Variants in BATF observed in about 807,000 individuals in gnomAD.
BATF encodes basic leucine zipper ATF-like transcription factor.
A neutral mutation model predicts 13.7 loss-of-function variants in BATF; 5 were observed. The ratio of observed to expected loss-of-function variants is 0.36; its 90% CI spans 0.19 to 0.77. The LOEUF (loss-of-function observed/expected upper bound fraction) is 0.77, where lower values mean the gene tolerates loss of function less well. Ranked by LOEUF, BATF falls within the 30% of genes least tolerant of loss-of-function variation. The pLI is 0.51. For missense variants in BATF, 124 were observed against 163.0 expected (o/e 0.76, Z 1.30); for synonymous variants, 72 against 67.5 (o/e 1.07, Z -0.33).
chr14:75,522,512 C>G lies in BATF; in HGVS notation c.-171C>G. On this transcript the variant is annotated 5_prime_UTR_variant, in exon 1 of 3. Coordinates refer to ENST00000286639, the MANE Select transcript of BATF (RefSeq NM_006399.5). Reference sequence around the variant, plus strand: ...CTTTGGGGAGCAGTCCCTCTGCACCCCAGAGTGAGGAGGACGCAGGGGTCA... The same window carrying G: ...CTTTGGGGAGCAGTCCCTCTGCACCGCAGAGTGAGGAGGACGCAGGGGTCA... 1.5e-6 allele frequency: 1 copy of G among 647,578 alleles called. No homozygotes were observed. Among genetic ancestry groups the G allele is most frequent in the South Asian group, 1.8e-5 (1 of 54,510 alleles). 40.1% of individuals were successfully genotyped at this position (647,578 alleles called of 1,614,324 possible). A position where few individuals can be genotyped will look rare whatever the true frequency, so the allele number is the denominator to read the frequency against.
At chr14:75,525,395 G>C (rs1396009199) in intron 2 of BATF, among the ~76,000 whole-genome samples, 1 of 151,962 alleles carries the variant, frequency 6.6e-6, no homozygotes, top group South Asian at 2.1e-4. Context: ...GGGCGTGGTG[G>C]CTCACACCTG....
chr14:75,546,900 C>T lies in BATF; in HGVS notation c.*229C>T, dbSNP rs142254758. 2.0e-4 allele frequency: 146 copies of T among 713,088 alleles called. No homozygotes were observed. The African/African-American group carries it at 2.2e-3, about 11-fold the overall frequency. 44.2% of individuals were successfully genotyped at this position (713,088 alleles called of 1,614,324 possible). On this transcript the variant is annotated 3_prime_UTR_variant, in exon 3 of 3. Transcript: ENST00000286639. The stretch of plus-strand genomic sequence containing the variant: ...ACCACTGTGGGTTGCAGGCCCAATG[C>T]AGAAGAGTATTAAGAAAGATGCTCA...
In BATF at chr14:75,546,475, T is replaced by G; in HGVS notation, c.182T>G (p.Leu61Arg). The change falls in exon 3 of 3, where the codon CTG becomes CGG. Residue 61 changes from leucine (L) to arginine (R), a missense_variant. Leu to Arg is a moderately radical substitution (Grantham distance 102, BLOSUM62 -2). Around this residue, in one of 2 missense-constraint regions of BATF, gnomAD observed 65 missense variants for 113.3 expected, o/e 0.57. Coordinates refer to ENST00000286639, the MANE Select transcript of BATF (RefSeq NM_006399.5). ...CCACCCCTACAGGAGAGCGAAGACC[T>G]GGAGAAACAGAACGCGGCTCTACGC... is the stretch of plus-strand genomic sequence containing the variant. ...ADTLHLESEDLEKQNAALRKE... is the reference protein window; with the variant it reads ...ADTLHLESEDREKQNAALRKE... The G allele has an allele frequency of 6.2e-7, 1 of 1,614,028 alleles. No homozygotes were observed. Among genetic ancestry groups the G allele is most frequent in the Non-Finnish European group, 8.5e-7 (1 of 1,180,012 alleles).
At chr14:75,524,827 T>A (rs1887627911) in intron 1 of BATF, among the ~76,000 whole-genome samples, 1 of 149,272 alleles carries the variant, frequency 6.7e-6, no homozygotes, top group Admixed American at 6.7e-5. Context: ...CAAATACAGC[T>A]CTATTGAGTC....
In BATF at chr14:75,546,482, A is replaced by C; in HGVS notation, c.189A>C (p.Lys63Asn). ...TLHLESEDLE[K>N]QNAALRKEIK... ...TACAGGAGAGCGAAGACCTGGAGAA[A>C]CAGAACGCGGCTCTACGCAAGGAGA... Residue 63 changes from lysine (K) to asparagine (N), a missense_variant, in exon 3 of 3, where the codon AAA (lysine) becomes AAC (asparagine). Physicochemically the swap from Lys to Asn is moderately conservative, Grantham distance 94. Around this residue, in one of 2 missense-constraint regions of BATF, gnomAD observed 65 missense variants for 113.3 expected, o/e 0.57. Coordinates refer to ENST00000286639, the MANE Select transcript of BATF (RefSeq NM_006399.5). The C allele has an allele frequency of 6.2e-7, 1 of 1,614,134 alleles. No homozygotes were observed. The highest frequency in any genetic ancestry group is 8.5e-7 in the Non-Finnish European group (1 of 1,180,022).
intron 2 of BATF, among the ~76,000 whole-genome samples, chr14:75,532,974 T>C (rs541747611): frequency 1.3e-5 from 2 of 152,352 alleles, no homozygotes; most frequent in South Asian, 4.1e-4. Flanking sequence ...CTTTTCTCTC[T>C]TTTTTATTAT....
intron 2 of BATF, among the ~76,000 whole-genome samples, chr14:75,527,570 CTT>C (rs1049490685): frequency 4.6e-5 from 7 of 152,340 alleles, no homozygotes; most frequent in African/African-American, 1.7e-4. Flanking sequence ...ACAGATGTCT[CTT>C]TGCTGCGGCA....
At chr14:75,535,002 T>C (rs1887797048) in intron 2 of BATF, among the ~76,000 whole-genome samples, 2 of 152,256 alleles carry the variant, frequency 1.3e-5, no homozygotes, top group Non-Finnish European at 2.9e-5. Context: ...ATCAATTTGA[T>C]GATGCAGTCA....
At chr14:75,541,714 A>C (rs769878055) in intron 2 of BATF, among the ~76,000 whole-genome samples, 7 of 152,166 alleles carry the variant, frequency 4.6e-5, no homozygotes, top group South Asian at 2.1e-4. Context: ...CCCAGGCTGA[A>C]CTACAATGGT....
chr14:75,525,706 C>G (rs1171933502), intron 2 of BATF, among the ~76,000 whole-genome samples: 1 of 150,746 alleles, frequency 6.6e-6, no homozygotes, highest in East Asian at 1.9e-4. Flanking sequence ...GGGAATGGGC[C>G]AGGAGGCTGA....
intron 2 of BATF, among the ~76,000 whole-genome samples, chr14:75,539,530 A>G (rs983837790): frequency 6.7e-6 from 1 of 148,622 alleles, no homozygotes; most frequent in African/African-American, 2.5e-5. Flanking sequence ...ACCAAACTAT[A>G]GTTTTTTTCA....
chr14:75,540,379 C>G (rs1408803604), intron 2 of BATF, among the ~76,000 whole-genome samples: 1 of 152,198 alleles, frequency 6.6e-6, no homozygotes, highest in East Asian at 1.9e-4. Context: ...TTAGCCACCC[C>G]CAAGCTGCTT....
At chr14:75,531,375 C>A (rs1389228775) in intron 2 of BATF, among the ~76,000 whole-genome samples, 1 of 152,166 alleles carries the variant, frequency 6.6e-6, no homozygotes, top group Non-Finnish European at 1.5e-5. Flanking sequence ...AATTAAGAAG[C>A]TTTATTCATG....
At chr14:75,525,031 C>T (rs2140033702) in intron 1 of BATF, 53 bp from the exon 2 acceptor site, 1 of 1,472,086 alleles carries the variant, frequency 6.8e-7, no homozygotes, top group Non-Finnish European at 9.4e-7. Context: ...AGCCTGCTTT[C>T]ACTCAGAAGG....
intron 1 of BATF, among the ~76,000 whole-genome samples, chr14:75,523,208 TAAA>T (rs60531963): frequency 6.5e-5 from 9 of 139,176 alleles, no homozygotes; most frequent in Non-Finnish European, 1.2e-4. Flanking sequence ...AGGGAAAAGT[TAAA>T]AAAAAAAAAA....
chr14:75,540,333 C>T (rs1887878650), intron 2 of BATF, among the ~76,000 whole-genome samples: 1 of 152,144 alleles, frequency 6.6e-6, no homozygotes, highest in Admixed American at 6.5e-5. Flanking sequence ...TAGGGGATTT[C>T]CCAGAATGTT....
intron 2 of BATF, among the ~76,000 whole-genome samples, chr14:75,531,073 C>G (rs1027517350): frequency 2.4e-4 from 37 of 152,124 alleles, no homozygotes; most frequent in South Asian, 1.0e-3. Context: ...AGGAGGATTT[C>G]TTTTCTAATT....
At chr14:75,533,442 A>C (rs1887769901) in intron 2 of BATF, among the ~76,000 whole-genome samples, 1 of 151,998 alleles carries the variant, frequency 6.6e-6, no homozygotes, top group East Asian at 1.9e-4. Flanking sequence ...AAAAAAAAAA[A>C]AAAAGAATGA....
intron 2 of BATF, among the ~76,000 whole-genome samples, chr14:75,533,452 ACTGT>A (rs1446176645): frequency 3.3e-5 from 5 of 150,498 alleles, no homozygotes; most frequent in African/African-American, 9.8e-5. Context: ...AAAAAGAATG[ACTGT>A]CTGTCTACAT....
Sources: gnomAD v4.1 joint callset for allele counts (sites outside exome capture counted in the v4.1 genomes callset) on GRCh38, gnomAD v4.1.1 for gene constraint, gnomAD v4.1.1 regional missense constraint, MANE v1.5 for transcripts, NCBI Gene and HGNC (gene_info 2026-07-23, HGNC 2026-07-21) for gene names.